SH3RF3: variants seen among roughly 807,000 people sequenced by gnomAD.
SH3RF3 encodes E3 ubiquitin-protein ligase SH3RF3.
A neutral mutation model predicts 66.3 loss-of-function variants in SH3RF3; 29 were observed. That is an observed-to-expected ratio of 0.44 (90% CI 0.33 to 0.60). The LOEUF (loss-of-function observed/expected upper bound fraction) is 0.60, where lower values mean the gene tolerates loss of function less well. Ranked by LOEUF, SH3RF3 falls within the 20% of genes least tolerant of loss-of-function variation. The pLI, the probability that SH3RF3 is intolerant of heterozygous loss-of-function variation, is 0.04. For missense variants in SH3RF3, 1,194 were observed against 1,190.9 expected (o/e 1.00, Z -0.04); for synonymous variants, 583 against 532.0 (o/e 1.10, Z -1.32).
intron 1 of SH3RF3, among the ~76,000 whole-genome samples, chr2:109,191,417 GA>G (rs1474779517): frequency 1.3e-5 from 2 of 152,186 alleles, no homozygotes; most frequent in African/African-American, 4.8e-5. Flanking sequence ...ATACTATTTA[GA>G]AGAAAGTGGG....
chr2:109,453,479 G>A (rs1677947153), intron 8 of SH3RF3, among the ~76,000 whole-genome samples: 1 of 152,202 alleles, frequency 6.6e-6, no homozygotes, highest in South Asian at 2.1e-4. Context: ...TCAGCACCAG[G>A]TGATACGAAC....
intron 1 of SH3RF3, among the ~76,000 whole-genome samples, chr2:109,261,129 G>A (rs1361492082): frequency 2.0e-5 from 3 of 152,118 alleles, no homozygotes; most frequent in Non-Finnish European, 2.9e-5. Flanking sequence ...AGCCAGGCCC[G>A]TGAGCTAGCC....
chr2:109,430,734 G>A lies in SH3RF3; in HGVS notation c.1404-1767G>A, dbSNP rs1321750581. On this transcript the variant is annotated intron_variant, in intron 5 of 9. Coordinates refer to ENST00000309415, the MANE Select transcript of SH3RF3 (RefSeq NM_001099289.3). ...TCTCTCCATTTGTCACCTAGACATA[G>A]CATTGAAACTGTGAACGTGGTGGGG... is the stretch of plus-strand genomic sequence containing the variant. Among the ~76,000 whole-genome samples the A allele has an allele frequency of 2.6e-5, 4 of 152,294 alleles. No individual in the cohort carries two copies. The East Asian group carries it at 5.8e-4, about 22-fold the overall frequency.
chr2:109,374,625 A>G (rs529248694), intron 3 of SH3RF3, among the ~76,000 whole-genome samples: 75 of 152,296 alleles, frequency 4.9e-4, no homozygotes, highest in Non-Finnish European at 2.4e-4. Context: ...AGTCCCGGTG[A>G]TGCTTGTCCC....
At chr2:109,445,369 G>A (rs1468942718) in intron 7 of SH3RF3, among the ~76,000 whole-genome samples, 2 of 152,152 alleles carry the variant, frequency 1.3e-5, no homozygotes, top group Non-Finnish European at 2.9e-5. Flanking sequence ...AAAAATCCAA[G>A]CCTAAACATG....
chr2:109,383,317 A>C (rs1378109606), intron 3 of SH3RF3, among the ~76,000 whole-genome samples: 1 of 152,186 alleles, frequency 6.6e-6, no homozygotes, highest in Non-Finnish European at 1.5e-5. Context: ...CTGGGGGGTC[A>C]TGGGGGACCC....
intron 1 of SH3RF3, among the ~76,000 whole-genome samples, chr2:109,298,754 A>G (rs952600399): frequency 6.6e-6 from 1 of 152,052 alleles, no homozygotes; most frequent in African/African-American, 2.4e-5. Context: ...TCCCTGATCT[A>G]ACCTTCTTCC....
chr2:109,170,750 T>C (rs1296956950), intron 1 of SH3RF3, among the ~76,000 whole-genome samples: 1 of 152,216 alleles, frequency 6.6e-6, no homozygotes, highest in Non-Finnish European at 1.5e-5. Context: ...TGCCAGGCAC[T>C]GGGGCTCAAG....
At chr2:109,315,487 G>T (rs1345653600) in intron 1 of SH3RF3, among the ~76,000 whole-genome samples, 2 of 152,254 alleles carry the variant, frequency 1.3e-5, no homozygotes, top group South Asian at 4.1e-4. Flanking sequence ...GAGGCAGTAA[G>T]GAACTGTCTC....
At chr2:109,435,411 C>T (rs116246349) in intron 6 of SH3RF3, among the ~76,000 whole-genome samples, 154 of 152,352 alleles carry the variant, frequency 1.0e-3, no homozygotes, top group African/African-American at 3.3e-3. Flanking sequence ...GGAGGGTAGG[C>T]GAAGGCCTAC....
chr2:109,268,028 C>T (rs1172147068), intron 1 of SH3RF3, among the ~76,000 whole-genome samples: 1 of 151,848 alleles, frequency 6.6e-6, no homozygotes, highest in Non-Finnish European at 1.5e-5. Flanking sequence ...GACTCTGTGT[C>T]CAGTCCTTGT....
intron 1 of SH3RF3, among the ~76,000 whole-genome samples, chr2:109,210,596 T>C (rs1186801303): frequency 2.6e-5 from 4 of 152,118 alleles, no homozygotes; most frequent in Admixed American, 6.5e-5. Context: ...CAGGTGTGGA[T>C]TGTGTCCAGC....
At chr2:109,491,570 T>TA (rs772277467) in intron 9 of SH3RF3, among the ~76,000 whole-genome samples, 11 of 152,144 alleles carry the variant, frequency 7.2e-5, no homozygotes, top group Non-Finnish European at 1.5e-4. Flanking sequence ...CATGGCCCAC[T>TA]AAGGCTGTGG....
intron 2 of SH3RF3, among the ~76,000 whole-genome samples, chr2:109,352,409 G>A (rs1170590446): frequency 1.3e-5 from 2 of 152,180 alleles, no homozygotes; most frequent in Non-Finnish European, 2.9e-5. Context: ...TGGGGGTAGC[G>A]GAGCTGAGCC....
At chr2:109,421,304 C>G (rs376207634) in intron 5 of SH3RF3, among the ~76,000 whole-genome samples, 4 of 152,178 alleles carry the variant, frequency 2.6e-5, no homozygotes, top group Non-Finnish European at 5.9e-5. Flanking sequence ...TTGGAGTCCC[C>G]GTGACCAGCT....
rs147468061 is a variant in SH3RF3, at chr2:109,300,479, C to T, written c.574-47195C>T. ...ATAGGTGTGAGCCACTGCGCCCATCCGCACCCTGAGTTTTTATACCAGGTA... is the reference window on the plus strand; with the variant it reads ...ATAGGTGTGAGCCACTGCGCCCATCTGCACCCTGAGTTTTTATACCAGGTA... On this transcript the variant is annotated intron_variant, in intron 1 of 9. Transcript: ENST00000309415. Among the ~76,000 whole-genome samples, 846 of 152,290 alleles carry T rather than the reference C, an allele frequency of 5.6e-3. 8 individuals carry two copies. Among genetic ancestry groups the T allele is most frequent in the African/African-American group, 0.019 (797 of 41,560 alleles).
At chr2:109,299,007 C>T (rs938259642) in intron 1 of SH3RF3, among the ~76,000 whole-genome samples, 1 of 152,206 alleles carries the variant, frequency 6.6e-6, no homozygotes, top group Non-Finnish European at 1.5e-5. Flanking sequence ...CACCCACTGC[C>T]TCCCTGGTGA....
At chr2:109,191,871 AT>A (rs1410121814) in intron 1 of SH3RF3, among the ~76,000 whole-genome samples, 2 of 152,170 alleles carry the variant, frequency 1.3e-5, no homozygotes, top group African/African-American at 4.8e-5. Context: ...TGAGACCAGC[AT>A]TTTTGAAACC....
At chr2:109,499,117 G>T (rs1679326602) in intron 9 of SH3RF3, among the ~76,000 whole-genome samples, 1 of 152,172 alleles carries the variant, frequency 6.6e-6, no homozygotes, top group Admixed American at 6.5e-5. Flanking sequence ...GAAAGCAGGA[G>T]GCCCAGAGTG....
Sources: gnomAD v4.1 joint callset for allele counts (sites outside exome capture counted in the v4.1 genomes callset) on GRCh38, gnomAD v4.1.1 for gene constraint, MANE v1.5 for transcripts, NCBI Gene and HGNC (gene_info 2026-07-23, HGNC 2026-07-21) for gene names.